The following BLZF1 variants were observed in gnomAD, a reference collection of about 807,000 sequenced individuals.
The protein encoded by BLZF1 is golgin-45.
BLZF1 carries 39 observed loss-of-function variants against 43.8 expected under a neutral mutation model. That is an observed-to-expected ratio of 0.89 (90% CI 0.69 to 1.16). BLZF1 has a LOEUF of 1.16. Ranked by LOEUF, BLZF1 falls within the 50% of genes most tolerant of loss-of-function variation. The probability of loss-of-function intolerance (pLI) is 0.00; values close to 1 mark genes in which losing one functional copy is unlikely to be tolerated. For synonymous variants in BLZF1, 136 were observed against 159.4 expected (o/e 0.85, Z 1.11); for missense variants, 449 against 469.8 (o/e 0.96, Z 0.41).
intron 3 of BLZF1, among the ~76,000 whole-genome samples, chr1:169,377,946 T>A: frequency 6.6e-6 from 1 of 152,066 alleles, no homozygotes; most frequent in Non-Finnish European, 1.5e-5. Context: ...TAGGATGCAA[T>A]ACACTAACTT....
chr1:169,377,164 A>G, intron 3 of BLZF1, 185 bp downstream of exon 3: 1 of 614,106 alleles, frequency 1.6e-6, no homozygotes, highest in East Asian at 2.8e-5. Context: ...TATATTGGGA[A>G]CTTATACTCT....
chr1:169,371,921 G>A (rs1260727298), intron 2 of BLZF1, among the ~76,000 whole-genome samples: 2 of 152,138 alleles, frequency 1.3e-5, no homozygotes, highest in African/African-American at 2.4e-5. Flanking sequence ...TATTCCATGA[G>A]CAGATAAATT....
rs1239363345 is a variant in BLZF1 at position 169,387,669 on chromosome 1, T to G, written c.*487T>G. 1 of 152,244 alleles carries G rather than the reference T, an allele frequency of 6.6e-6. No homozygotes were observed. The highest frequency in any genetic ancestry group is 2.4e-5 in the African/African-American group (1 of 41,436). 9.4% of individuals were successfully genotyped at this position (152,244 alleles called of 1,614,324 possible). Reference sequence around the variant, plus strand: ...TGCAGCAGATCCTTTACAGAAAAAGTTTTCTGACCTCAATTCTAAAGTAAT... The same window carrying G: ...TGCAGCAGATCCTTTACAGAAAAAGGTTTCTGACCTCAATTCTAAAGTAAT... On this transcript the variant is annotated 3_prime_UTR_variant, in exon 7 of 7. Transcript: ENST00000367808.
intron 4 of BLZF1, among the ~76,000 whole-genome samples, 191 bp downstream of exon 4, chr1:169,378,720 A>T (rs1654441267): frequency 6.6e-6 from 1 of 151,960 alleles, no homozygotes; most frequent in African/African-American, 2.4e-5. Context: ...TGATATAAGG[A>T]TCATCCCTTA....
At chr1:169,381,198 G>C (rs750582599) in intron 5 of BLZF1, among the ~76,000 whole-genome samples, 3 of 151,892 alleles carry the variant, frequency 2.0e-5, no homozygotes, top group Non-Finnish European at 4.4e-5. Flanking sequence ...GGAATGAAGG[G>C]GGGGGTACAA....
At chr1:169,389,121 CAA>C (rs35710783), downstream of BLZF1, among the ~76,000 whole-genome samples, 1 of 138,904 alleles carries the variant, frequency 7.2e-6, no homozygotes. Flanking sequence ...AACTCTGTCT[CAA>C]AAAAAAAAAG....
intron 2 of BLZF1, among the ~76,000 whole-genome samples, chr1:169,375,049 A>G (rs1474370687): frequency 6.6e-6 from 1 of 151,998 alleles, no homozygotes; most frequent in Non-Finnish European, 1.5e-5. Flanking sequence ...CAAACCCATT[A>G]ATTTTATGCT....
At chr1:169,389,247 T>A (rs537698047), downstream of BLZF1, among the ~76,000 whole-genome samples, 42 of 151,802 alleles carry the variant, frequency 2.8e-4, no homozygotes, top group African/African-American at 1.0e-3. Context: ...TGAGCCGAGA[T>A]CGCGCCATTA....
chr1:169,386,476 G>T (rs902829847), intron 6 of BLZF1, among the ~76,000 whole-genome samples: 1 of 151,784 alleles, frequency 6.6e-6, no homozygotes, highest in East Asian at 1.9e-4. Context: ...TCAGGAGATC[G>T]AGACCATCCT....
chr1:169,376,672 C>T lies in BLZF1; in HGVS notation c.161C>T (p.Ala54Val), dbSNP rs777071474. 2.5e-6 allele frequency: 4 copies of T among 1,613,434 alleles called. No individual in the cohort carries two copies. The highest frequency in any genetic ancestry group is 3.4e-6 in the Non-Finnish European group (4 of 1,179,612). Reference protein sequence around the residue: ...HHSLQSPWKKAVPSESPGVLQ... With the variant: ...HHSLQSPWKKVVPSESPGVLQ... ...AGTCTTCAGAGTCCATGGAAGAAAG[C>T]AGTTCCATCAGAGAGCCCAGGAGTT... The change falls in exon 3 of 7, where the codon GCA (alanine) becomes GTA (valine). Residue 54 changes from alanine to valine, a missense_variant. By Grantham distance (64) the Ala-to-Val change is moderately conservative. Transcript: ENST00000367808.
intron 6 of BLZF1, among the ~76,000 whole-genome samples, chr1:169,383,587 A>G (rs1654587152): frequency 6.6e-6 from 1 of 152,126 alleles, no homozygotes; most frequent in Non-Finnish European, 1.5e-5. Context: ...CACTATTCTC[A>G]GTAAGTACTC....
chr1:169,393,434 A>G (rs1044702329), intron 7 of BLZF1, among the ~76,000 whole-genome samples: 18 of 151,372 alleles, frequency 1.2e-4, no homozygotes, highest in Non-Finnish European at 2.5e-4. Flanking sequence ...CTAAAAATAA[A>G]AAAAAATTAG....
downstream of BLZF1, among the ~76,000 whole-genome samples, chr1:169,390,287 G>A (rs1029711892): frequency 2.0e-5 from 3 of 151,550 alleles, no homozygotes; most frequent in African/African-American, 4.8e-5. Flanking sequence ...ACACCTTAAG[G>A]AAATAAAAAA....
rs780621408 is a variant in BLZF1, at chr1:169,380,469, A to C, written c.669-12A>C. 103 of 1,604,450 alleles carry C rather than the reference A, an allele frequency of 6.4e-5. No individual in the cohort carries two copies. The highest frequency in any genetic ancestry group is 8.3e-5 in the Non-Finnish European group (98 of 1,174,158). ...TCAGCAAATTTATATGTAAGATTTT[A>C]ATCTTTTTCAGGGTAATGGCAGATG... is the stretch of plus-strand genomic sequence containing the variant. On this transcript the variant is annotated splice_polypyrimidine_tract_variant and intron_variant, in intron 4 of 6. Coordinates refer to ENST00000367808, the MANE Select transcript of BLZF1 (RefSeq NM_001320973.2).
At chr1:169,385,960 T>C (rs558280541) in intron 6 of BLZF1, among the ~76,000 whole-genome samples, 1 of 152,316 alleles carries the variant, frequency 6.6e-6, no homozygotes, top group East Asian at 1.9e-4. Flanking sequence ...CCAATTGCAG[T>C]GCTTGCTACC....
intron 1 of BLZF1, 44 bp from the exon 2 acceptor site, chr1:169,369,429 T>C (rs546090263): frequency 1.4e-4 from 147 of 1,047,070 alleles, no homozygotes; most frequent in Non-Finnish European, 2.0e-4. Context: ...CTCTATGTGT[T>C]TATATGATAT....
intron 7 of BLZF1, among the ~76,000 whole-genome samples, chr1:169,394,224 G>A (rs1480189226): frequency 6.6e-6 from 1 of 152,058 alleles, no homozygotes; most frequent in Non-Finnish European, 1.5e-5. Context: ...TTTATATAAA[G>A]CATTTATAAT....
Position 169,376,928 on chromosome 1 carries a change from G to A in BLZF1, c.417G>A (p.Arg139=). ...AAAAGCTCAAGAATTCTGAAAGAAGGTTACTACAGGACAAAGAAGGTCTTT... is the reference window on the plus strand; with the variant it reads ...AAAAGCTCAAGAATTCTGAAAGAAGATTACTACAGGACAAAGAAGGTCTTT... The part of the protein sequence containing the change: ...VLEKLKNSER[R]LLQDKEGLSN... Residue 139 remains arginine, a synonymous_variant, in exon 3 of 7, where the codon AGG becomes AGA. Coordinates refer to ENST00000367808, the MANE Select transcript of BLZF1 (RefSeq NM_001320973.2). 1 of 1,613,208 alleles carries A rather than the reference G, an allele frequency of 6.2e-7. No individual in the cohort carries two copies. Among genetic ancestry groups the A allele is most frequent in the East Asian group, 2.2e-5 (1 of 44,848 alleles).
At chr1:169,390,161 G>A (rs992506925), downstream of BLZF1, among the ~76,000 whole-genome samples, 1 of 151,012 alleles carries the variant, frequency 6.6e-6, no homozygotes, top group Admixed American at 6.6e-5. Flanking sequence ...CCACAAACTC[G>A]TGGCACACTT....
Sources: allele counts gnomAD v4.1 joint callset (sites outside exome capture counted in the v4.1 genomes callset), GRCh38; gene constraint gnomAD v4.1.1; transcripts MANE v1.5; gene names NCBI Gene and HGNC (gene_info 2026-07-23, HGNC 2026-07-21).